The following PPFIA2 variants were observed in gnomAD, a reference collection of about 807,000 sequenced individuals.
PPFIA2 encodes the protein liprin-alpha-2.
PPFIA2 carries 46 observed loss-of-function variants against 175.5 expected under a neutral mutation model. That is an observed-to-expected ratio of 0.26 (90% CI 0.21 to 0.34). The LOEUF (loss-of-function observed/expected upper bound fraction) is 0.34, where lower values mean the gene tolerates loss of function less well. Ranked by LOEUF, PPFIA2 falls within the 10% of genes least tolerant of loss-of-function variation. The pLI is 1.00. For missense variants in PPFIA2, 1,179 were observed against 1,506.1 expected (o/e 0.78, Z 3.60); for synonymous variants, 568 against 511.4 (o/e 1.11, Z -1.49).
intron 5 of PPFIA2, among the ~76,000 whole-genome samples, chr12:81,452,029 T>C (rs2052678748): frequency 6.6e-6 from 1 of 152,082 alleles, no homozygotes; most frequent in African/African-American, 2.4e-5. Flanking sequence ...TGGCCATGAA[T>C]CCTATGTTTG....
At chr12:81,546,142 A>AC (rs2066955387) in intron 4 of PPFIA2, 1 of 153,238 alleles carries the variant, frequency 6.5e-6, no homozygotes, top group Admixed American at 6.6e-5. Context: ...AAAAAAAAAA[A>AC]AAAAATTCAT....
chr12:81,426,841 T>C (rs2047214310), intron 7 of PPFIA2, among the ~76,000 whole-genome samples: 1 of 152,086 alleles, frequency 6.6e-6, no homozygotes, highest in African/African-American at 2.4e-5. Flanking sequence ...ACATTTTCTA[T>C]ATTTAAAACA....
Position 81,676,819 on chromosome 12 carries a change from A to G in PPFIA2, c.275T>C (p.Leu92Pro). ...PQDIESLTGG[L>P]AGSKGADPPE... is the part of the protein sequence containing the mutation. ...TGGATCAGCCCCCTTAGAACCAGCC[A>G]GCCCTCCTGTTAGGGATTCGATATC... The change falls in exon 4 of 33, where the codon CTG becomes CCG. Residue 92 changes from leucine to proline, a missense_variant. Around this residue, in one of 10 missense-constraint regions of PPFIA2, gnomAD observed 128 missense variants for 141.4 expected, o/e 0.91. Transcript: ENST00000549396. 6.4e-7 allele frequency: 1 copy of G among 1,565,328 alleles called. No individual in the cohort carries two copies. The highest frequency in any genetic ancestry group is 8.6e-7 in the Non-Finnish European group (1 of 1,156,638).
At chr12:81,569,654 A>G (rs1422320956) in intron 4 of PPFIA2, among the ~76,000 whole-genome samples, 1 of 152,216 alleles carries the variant, frequency 6.6e-6, no homozygotes, top group Non-Finnish European at 1.5e-5. Context: ...CAAAATTAGA[A>G]TATTAAACAA....
Position 81,313,193 on chromosome 12 carries a change from G to A in PPFIA2, c.2642+12584C>T, listed in dbSNP as rs202033610. Among the ~76,000 whole-genome samples, 3 of 152,170 alleles carry A rather than the reference G, an allele frequency of 2.0e-5. No individual in the cohort carries two copies. The East Asian group carries it at 5.8e-4, about 29-fold the overall frequency. ...TAAATAATTCAACAAAAATTCATGA[G>A]AGTATTGTTTTAAAAATATATTACA... On this transcript the variant is annotated intron_variant, in intron 22 of 32. Coordinates refer to ENST00000549396, the MANE Select transcript of PPFIA2 (RefSeq NM_003625.5).
intron 2 of PPFIA2, among the ~76,000 whole-genome samples, chr12:81,755,570 T>C (rs950978361): frequency 2.0e-5 from 3 of 152,192 alleles, no homozygotes; most frequent in African/African-American, 4.8e-5. Context: ...TGAGTCTTCA[T>C]ATAAATTGGG....
chr12:81,731,684 A>G lies in PPFIA2; in HGVS notation c.249+22289T>C, dbSNP rs2080931761. On this transcript the variant is annotated intron_variant, in intron 3 of 32. Coordinates refer to ENST00000549396, the MANE Select transcript of PPFIA2 (RefSeq NM_003625.5). ...GTTAATGTGAGGGTTCAGAAAACAG[A>G]CAACCTTGGGTAGAATTGGAACTCT... Among the ~76,000 whole-genome samples the G allele has an allele frequency of 2.0e-5, 3 of 151,810 alleles. No individual in the cohort carries two copies. In the South Asian group the frequency reaches 6.2e-4, roughly 31 times the overall value.
intron 3 of PPFIA2, 80 bp from the exon 4 acceptor site, chr12:81,676,924 A>G: frequency 2.9e-6 from 3 of 1,036,720 alleles, no homozygotes; most frequent in Non-Finnish European, 4.1e-6. Flanking sequence ...GTAATAATTT[A>G]TTTAGCTGCA....
At chr12:81,416,449 C>T (rs1018270477) in intron 7 of PPFIA2, among the ~76,000 whole-genome samples, 12 of 151,514 alleles carry the variant, frequency 7.9e-5, no homozygotes, top group East Asian at 1.9e-4. Context: ...GCAGTAATTG[C>T]GTTAAAAGTT....
At chr12:81,349,668 C>T (rs2059677131) in intron 17 of PPFIA2, among the ~76,000 whole-genome samples, 1 of 152,074 alleles carries the variant, frequency 6.6e-6, no homozygotes, top group African/African-American at 2.4e-5. Context: ...CATGGTTATG[C>T]TGTACACAGA....
chr12:81,326,553 T>C (rs2054809617), intron 21 of PPFIA2, among the ~76,000 whole-genome samples: 1 of 152,138 alleles, frequency 6.6e-6, no homozygotes, highest in South Asian at 2.1e-4. Context: ...AAAATAGTTA[T>C]CACCAAGTAG....
intron 4 of PPFIA2, among the ~76,000 whole-genome samples, chr12:81,632,790 T>G (rs1396728461): frequency 2.0e-5 from 3 of 151,970 alleles, no homozygotes; most frequent in African/African-American, 7.2e-5. Flanking sequence ...GGGGTCCCGT[T>G]TTAACTGGCA....
At chr12:81,541,135 G>A (rs538333288) in intron 4 of PPFIA2, among the ~76,000 whole-genome samples, 1 of 152,182 alleles carries the variant, frequency 6.6e-6, no homozygotes, top group African/African-American at 2.4e-5. Flanking sequence ...AAATTTATCA[G>A]TGTTGATACA....
At chr12:81,615,558 G>A (rs757677869) in intron 4 of PPFIA2, among the ~76,000 whole-genome samples, 5 of 152,158 alleles carry the variant, frequency 3.3e-5, no homozygotes, top group Non-Finnish European at 1.5e-5. Flanking sequence ...GACCAAAAGA[G>A]CAGTGTGAAC....
At chr12:81,332,660 G>C (rs2141702) in intron 21 of PPFIA2, among the ~76,000 whole-genome samples, 1 of 151,890 alleles carries the variant, frequency 6.6e-6, no homozygotes, top group Non-Finnish European at 1.5e-5. Context: ...TTGAATAATC[G>C]TATTTTTAAT....
intron 3 of PPFIA2, among the ~76,000 whole-genome samples, chr12:81,731,828 G>A (rs2080952263): frequency 6.6e-6 from 1 of 151,542 alleles, no homozygotes; most frequent in South Asian, 2.1e-4. Context: ...TTCAGATTAA[G>A]TTTGTTATAT....
chr12:81,588,587 C>G (rs552803261), intron 4 of PPFIA2, among the ~76,000 whole-genome samples: 2 of 152,066 alleles, frequency 1.3e-5, no homozygotes, highest in Non-Finnish European at 2.9e-5. Flanking sequence ...GTTTTCCAAA[C>G]GGCTCCTTCT....
At chr12:81,445,042 A>C (rs545268592) in intron 6 of PPFIA2, among the ~76,000 whole-genome samples, 1 of 152,228 alleles carries the variant, frequency 6.6e-6, no homozygotes, top group Non-Finnish European at 1.5e-5. Flanking sequence ...ACATGCAGAG[A>C]ATATTCAAAT....
chr12:81,479,126 G>T (rs1032300498), intron 4 of PPFIA2, among the ~76,000 whole-genome samples: 8 of 152,104 alleles, frequency 5.3e-5, no homozygotes, highest in Non-Finnish European at 1.0e-4. Context: ...ATATATTTAG[G>T]ATAGTTAGCT....
Sources: allele counts gnomAD v4.1 joint callset (sites outside exome capture counted in the v4.1 genomes callset), GRCh38; gene constraint gnomAD v4.1.1; regional missense constraint gnomAD v4.1.1; transcripts MANE v1.5; gene names NCBI Gene and HGNC (gene_info 2026-07-23, HGNC 2026-07-21).